The following MYO16 variants were observed in gnomAD, a reference collection of about 807,000 sequenced individuals.
MYO16 encodes the protein unconventional myosin-XVI.
A neutral mutation model predicts 205.3 loss-of-function variants in MYO16; 94 were observed. The ratio of observed to expected loss-of-function variants is 0.46; its 90% CI spans 0.39 to 0.54. MYO16 has a LOEUF of 0.54. Ranked by LOEUF, MYO16 falls within the 20% of genes least tolerant of loss-of-function variation. The pLI is 0.00. For missense variants in MYO16, 2,315 were observed against 2,387.5 expected, an observed-to-expected ratio of 0.97 and a Z score of 0.63; for synonymous variants, 988 against 954.0, an observed-to-expected ratio of 1.04 and a Z score of -0.66.
intron 16 of MYO16, among the ~76,000 whole-genome samples, chr13:108,954,429 A>G (rs2139348619): frequency 6.6e-6 from 1 of 152,284 alleles, no homozygotes; most frequent in East Asian, 1.9e-4. Context: ...GAGGGGTTAC[A>G]GTTTTTTATC....
rs1215946699 is a variant in MYO16, at chr13:109,179,651, T to C, written c.5415+18T>C. On this transcript the variant is annotated intron_variant, in intron 34 of 34. Transcript: ENST00000457511. ...CCACTCAGGTAATGATGTCTGTCTG[T>C]TCACATGTGCAGTGACAAATGGAAT... The C allele has an allele frequency of 3.2e-6, 5 of 1,579,130 alleles. No individual in the cohort carries two copies. In the Admixed American group the frequency reaches 5.0e-5, roughly 16 times the overall value.
chr13:109,013,086 G>T, intron 22 of MYO16, among the ~76,000 whole-genome samples: 1 of 138,326 alleles, frequency 7.2e-6, no homozygotes, highest in African/African-American at 2.7e-5. Flanking sequence ...TTTACATTAG[G>T]TATTTCTCCT....
At chr13:108,677,353 A>G (rs1594201131) in intron 2 of MYO16, among the ~76,000 whole-genome samples, 2 of 88,326 alleles carry the variant, frequency 2.3e-5, no homozygotes, top group African/African-American at 8.9e-5. Context: ...ATATATATAT[A>G]TGCATATATA....
chr13:108,559,656 G>T, the MYO16 span, among the ~76,000 whole-genome samples: 6 of 151,384 alleles, frequency 4.0e-5, no homozygotes, highest in Non-Finnish European at 7.4e-5. Context: ...TGTATTTTTA[G>T]TAGAGACGGG....
chr13:108,751,186 C>T (rs561226512), intron 4 of MYO16, among the ~76,000 whole-genome samples: 122 of 152,190 alleles, frequency 8.0e-4, no homozygotes, highest in Non-Finnish European at 1.4e-3. Context: ...CCATATAATT[C>T]TCCAATTAAA....
At chr13:108,623,590 TCTC>T (rs1594151587) in intron 1 of MYO16, among the ~76,000 whole-genome samples, 1 of 152,180 alleles carries the variant, frequency 6.6e-6, no homozygotes, top group African/African-American at 2.4e-5. Context: ...TCTTTCTTCT[TCTC>T]CTGTCATGTA....
chr13:109,008,717 C>T (rs972609985), intron 21 of MYO16, among the ~76,000 whole-genome samples, 180 bp from the exon 22 acceptor site: 5 of 148,180 alleles, frequency 3.4e-5, no homozygotes, highest in Non-Finnish European at 7.5e-5. Flanking sequence ...CTTGTGTATG[C>T]ACTACTGTAC....
At chr13:108,774,966 G>A (rs1886079947) in intron 4 of MYO16, among the ~76,000 whole-genome samples, 3 of 152,172 alleles carry the variant, frequency 2.0e-5, no homozygotes, top group Admixed American at 6.5e-5. Context: ...TTAAGATTTA[G>A]AAAATGTAGA....
the MYO16 span, among the ~76,000 whole-genome samples, chr13:108,589,055 A>G: frequency 6.6e-6 from 1 of 152,242 alleles, no homozygotes; most frequent in Non-Finnish European, 1.5e-5. Context: ...TTCAAGGACT[A>G]AAGCAATGGC....
At chr13:108,750,874 G>A (rs960257253) in intron 4 of MYO16, among the ~76,000 whole-genome samples, 1 of 152,118 alleles carries the variant, frequency 6.6e-6, no homozygotes, top group African/African-American at 2.4e-5. Flanking sequence ...ATAAATGGAT[G>A]TTGGGAGCCA....
At chr13:108,677,697 G>A (rs1882293397) in intron 2 of MYO16, among the ~76,000 whole-genome samples, 1 of 151,930 alleles carries the variant, frequency 6.6e-6, no homozygotes, top group South Asian at 2.1e-4. Context: ...TCTTAGAGCT[G>A]CTCCCTTCTC....
intron 1 of MYO16, among the ~76,000 whole-genome samples, chr13:108,654,284 G>A (rs140261891): frequency 0.045 from 6,831 of 152,230 alleles, 182 homozygotes; most frequent in South Asian, 0.13. Context: ...CCCAGTGGGA[G>A]ATAATTTGAA....
chr13:108,868,058 GTTTAA>G (rs1878810916), intron 12 of MYO16, among the ~76,000 whole-genome samples: 1 of 152,128 alleles, frequency 6.6e-6, no homozygotes, highest in Admixed American at 6.5e-5. Flanking sequence ...ATATATGGCA[GTTTAA>G]TTAACTATTG....
At chr13:108,722,151 C>T (rs1356386501) in intron 3 of MYO16, among the ~76,000 whole-genome samples, 2 of 152,112 alleles carry the variant, frequency 1.3e-5, no homozygotes, top group African/African-American at 2.4e-5. Flanking sequence ...ACAGCAGGAG[C>T]TTGGGGACCT....
intron 4 of MYO16, among the ~76,000 whole-genome samples, chr13:108,749,150 CTT>C (rs1394811111): frequency 1.3e-5 from 2 of 152,198 alleles, no homozygotes; most frequent in East Asian, 1.9e-4. Flanking sequence ...ACCTCACAAA[CTT>C]ATTATTTTTT....
At chr13:108,555,869 A>G in the MYO16 span, among the ~76,000 whole-genome samples, 4 of 152,150 alleles carry the variant, frequency 2.6e-5, no homozygotes, top group African/African-American at 9.7e-5. Flanking sequence ...TGTTCCTGGT[A>G]TATTTCACTT....
intron 4 of MYO16, among the ~76,000 whole-genome samples, chr13:108,755,254 G>C (rs1213306469): frequency 2.1e-5 from 3 of 144,168 alleles, no homozygotes; most frequent in Non-Finnish European, 3.1e-5. Flanking sequence ...TGCTTAGGGA[G>C]AGGAAATGAG....
Position 108,666,116 on chromosome 13 carries a change from C to A in MYO16, c.259C>A (p.Gln87Lys). Residue 87 changes from glutamine to lysine, a missense_variant, in exon 2 of 35, where the codon CAG becomes AAG. Around this residue, in one of 3 missense-constraint regions of MYO16, gnomAD observed 1,213 missense variants for 1,274.4 expected, o/e 0.95. Transcript: ENST00000457511. ...KVHFNLTDML[Q>K]DAIIHHNDKE... ...TCACTTCAACCTCACGGACATGCTA[C>A]AGGACGCGATTATCCACCACAATGA... 1 of 1,612,906 alleles carries A rather than the reference C, an allele frequency of 6.2e-7. No homozygotes were observed. The highest frequency in any genetic ancestry group is 1.1e-5 in the South Asian group (1 of 91,050).
the MYO16 span, among the ~76,000 whole-genome samples, chr13:108,546,570 A>T: frequency 6.6e-6 from 1 of 152,126 alleles, no homozygotes; most frequent in Non-Finnish European, 1.5e-5. Flanking sequence ...TTAAATTTCC[A>T]CAGTTGCTCT....
Sources: gnomAD v4.1 joint callset for allele counts (sites outside exome capture counted in the v4.1 genomes callset) on GRCh38, gnomAD v4.1.1 for gene constraint, gnomAD v4.1.1 regional missense constraint, MANE v1.5 for transcripts, NCBI Gene and HGNC (gene_info 2026-07-23, HGNC 2026-07-21) for gene names.